UNC5C: variants seen among roughly 807,000 people sequenced by gnomAD.
UNC5C encodes unc-5 netrin receptor C, also known as netrin receptor UNC5C.
UNC5C carries 47 observed loss-of-function variants against 99.8 expected under a neutral mutation model. The ratio of observed to expected loss-of-function variants is 0.47; its 90% confidence interval spans 0.37 to 0.60. The LOEUF (loss-of-function observed/expected upper bound fraction) is 0.60. Ranked by LOEUF, UNC5C falls within the 20% of genes least tolerant of loss-of-function variation. The pLI is 0.00. For synonymous variants in UNC5C, 487 were observed against 452.2 expected (o/e 1.08, Z -0.98); for missense variants, 1,062 against 1,165.9 (o/e 0.91, Z 1.30).
intron 4 of UNC5C, among the ~76,000 whole-genome samples, chr4:95,276,570 T>C (rs1180556835): frequency 6.6e-6 from 1 of 152,208 alleles, no homozygotes; most frequent in Non-Finnish European, 1.5e-5. Flanking sequence ...TGGATACCCA[T>C]GTTGCTCATG....
chr4:95,393,490 C>T (rs1247662999), intron 1 of UNC5C, among the ~76,000 whole-genome samples: 1 of 152,182 alleles, frequency 6.6e-6, no homozygotes, highest in African/African-American at 2.4e-5. Flanking sequence ...ATATTTTAAG[C>T]TGCTCCTGAA....
chr4:95,352,275 A>G (rs1425105043), intron 1 of UNC5C, among the ~76,000 whole-genome samples: 3 of 152,228 alleles, frequency 2.0e-5, no homozygotes, highest in Non-Finnish European at 2.9e-5. Flanking sequence ...TGGTGTTTGT[A>G]TCTTTGAACA....
intron 2 of UNC5C, among the ~76,000 whole-genome samples, chr4:95,305,810 A>G (rs868087419): frequency 6.6e-6 from 1 of 152,206 alleles, no homozygotes; most frequent in Non-Finnish European, 1.5e-5. Flanking sequence ...TTAATAATAC[A>G]TTTCAAATGA....
chr4:95,261,920 G>C (rs1196326634), intron 4 of UNC5C, among the ~76,000 whole-genome samples: 2 of 152,086 alleles, frequency 1.3e-5, no homozygotes, highest in Non-Finnish European at 2.9e-5. Context: ...AGCCAGGATG[G>C]TCTCGATTGC....
intron 12 of UNC5C, among the ~76,000 whole-genome samples, chr4:95,190,738 C>T (rs1377966954): frequency 6.6e-6 from 1 of 152,148 alleles, no homozygotes; most frequent in East Asian, 1.9e-4. Flanking sequence ...CCATCAGTCA[C>T]CAGAAGCAGG....
chr4:95,181,756 C>T (rs557515704), intron 14 of UNC5C, among the ~76,000 whole-genome samples: 2 of 152,212 alleles, frequency 1.3e-5, no homozygotes, highest in Admixed American at 6.5e-5. Flanking sequence ...GACCGCACCT[C>T]GGCAGGCTGT....
At chr4:95,431,549 A>C (rs1746635921) in intron 1 of UNC5C, among the ~76,000 whole-genome samples, 1 of 152,092 alleles carries the variant, frequency 6.6e-6, no homozygotes, top group Non-Finnish European at 1.5e-5. Flanking sequence ...GACTAAAAAA[A>C]AATGTTTTAA....
chr4:95,503,844 C>T (rs1239174380), intron 1 of UNC5C, among the ~76,000 whole-genome samples: 1 of 152,064 alleles, frequency 6.6e-6, no homozygotes. Flanking sequence ...CCATCTGCTC[C>T]CCCACCATTT....
intron 1 of UNC5C, among the ~76,000 whole-genome samples, chr4:95,337,939 C>G (rs1181427211): frequency 6.6e-6 from 1 of 151,982 alleles, no homozygotes; most frequent in Non-Finnish European, 1.5e-5. Flanking sequence ...CTATAATATT[C>G]ACAAAGTAAA....
intron 1 of UNC5C, among the ~76,000 whole-genome samples, chr4:95,496,526 A>G (rs1382956202): frequency 6.6e-6 from 1 of 151,808 alleles, no homozygotes; most frequent in Non-Finnish European, 1.5e-5. Context: ...AGTATGTGCC[A>G]CTAACAAAAG....
chr4:95,301,476 T>C (rs1741874624), intron 3 of UNC5C, 130 bp downstream of exon 3: 2 of 1,273,928 alleles, frequency 1.6e-6, no homozygotes, highest in Admixed American at 4.2e-5. Flanking sequence ...ATTACAGGCG[T>C]GAGTCACCGC....
Position 95,340,829 on chromosome 4 carries a change from T to G in UNC5C, c.125-5198A>C, listed in dbSNP as rs182658258. On this transcript the variant is annotated intron_variant, in intron 1 of 15. Transcript: ENST00000453304. ...ACTTTTATTAATTAATCTATCCTCC[T>G]AAGTGTTTTCCAGCCTATCATCTCT... Among the ~76,000 whole-genome samples, 336 of 152,260 alleles carry G rather than the reference T, an allele frequency of 2.2e-3. 1 individual carries two copies. Among genetic ancestry groups the G allele is most frequent in the African/African-American group, 7.1e-3 (295 of 41,562 alleles).
intron 14 of UNC5C, among the ~76,000 whole-genome samples, chr4:95,175,262 A>T (rs1736289016): frequency 6.6e-6 from 1 of 151,670 alleles, no homozygotes; most frequent in South Asian, 2.1e-4. Flanking sequence ...TAATATTGTT[A>T]TGTGTGAATT....
chr4:95,324,126 C>T (rs192200699), intron 2 of UNC5C, among the ~76,000 whole-genome samples: 8 of 152,274 alleles, frequency 5.3e-5, no homozygotes, highest in East Asian at 1.9e-4. Flanking sequence ...TCCCCAACCC[C>T]CAGGCCAGGG....
chr4:95,468,347 T>C (rs1034860106), intron 1 of UNC5C, among the ~76,000 whole-genome samples: 1 of 152,060 alleles, frequency 6.6e-6, no homozygotes, highest in Non-Finnish European at 1.5e-5. Flanking sequence ...CTGGCACTGG[T>C]TTGGAAGTGC....
At chr4:95,242,065 T>C (rs998877579) in intron 7 of UNC5C, among the ~76,000 whole-genome samples, 2 of 152,172 alleles carry the variant, frequency 1.3e-5, no homozygotes, top group African/African-American at 4.8e-5. Flanking sequence ...GTACCTGCCA[T>C]GAATTAAGAA....
chr4:95,261,603 G>A (rs1017346378), intron 4 of UNC5C, among the ~76,000 whole-genome samples: 4 of 152,136 alleles, frequency 2.6e-5, no homozygotes, highest in African/African-American at 9.7e-5. Flanking sequence ...TTTCAAGATA[G>A]GGCTGGATTC....
intron 1 of UNC5C, among the ~76,000 whole-genome samples, chr4:95,385,353 G>A (rs1745185041): frequency 6.6e-6 from 1 of 152,044 alleles, no homozygotes; most frequent in Non-Finnish European, 1.5e-5. Flanking sequence ...GCTCAATTTT[G>A]TTCTTGTAAA....
At chr4:95,219,669 C>A (rs767012582) in intron 8 of UNC5C, among the ~76,000 whole-genome samples, 18 of 152,006 alleles carry the variant, frequency 1.2e-4, no homozygotes, top group Admixed American at 2.0e-4. Context: ...TCATTCTATT[C>A]ATAGCAATAC....
Sources: allele counts gnomAD v4.1 joint callset (sites outside exome capture counted in the v4.1 genomes callset), GRCh38; gene constraint gnomAD v4.1.1; transcripts MANE v1.5; gene names NCBI Gene and HGNC (gene_info 2026-07-23, HGNC 2026-07-21).